Variants in DCAF10 observed in about 807,000 individuals in gnomAD.
The protein encoded by DCAF10 is DDB1 and CUL4 associated factor 10.
A neutral mutation model predicts 51.9 loss-of-function variants in DCAF10; 19 were observed. The ratio of observed to expected loss-of-function variants is 0.37; its 90% confidence interval spans 0.26 to 0.54. DCAF10 has a LOEUF of 0.54. Ranked by LOEUF, DCAF10 falls within the 20% of genes least tolerant of loss-of-function variation. The probability of loss-of-function intolerance (pLI) is 0.87; values close to 1 mark genes in which losing one functional copy is unlikely to be tolerated. For missense variants in DCAF10, 510 were observed against 730.6 expected (o/e 0.70, Z 3.48); for synonymous variants, 291 against 297.1 (o/e 0.98, Z 0.21).
intron 3 of DCAF10, among the ~76,000 whole-genome samples, chr9:37,850,776 G>T (rs990245976): frequency 7.5e-6 from 1 of 133,010 alleles, no homozygotes; most frequent in Non-Finnish European, 1.6e-5. Flanking sequence ...TTTGTTAAAA[G>T]TAGATTTTAA....
At chr9:37,814,109 TATATATATATATATATA>T (rs1280023592) in intron 1 of DCAF10, among the ~76,000 whole-genome samples, 9,755 of 111,286 alleles carry the variant, frequency 0.088, 524 homozygotes, top group Non-Finnish European at 0.12. Flanking sequence ...TATATATATA[TATATATATATATATATA>T]TTTGTTGTTG....
chr9:37,806,000 C>G (rs1223768808), intron 1 of DCAF10, among the ~76,000 whole-genome samples: 1 of 152,190 alleles, frequency 6.6e-6, no homozygotes, highest in Non-Finnish European at 1.5e-5. Context: ...AGGAGGACCA[C>G]TTGAGCTCGG....
rs1441605053 is a variant in DCAF10, at chr9:37,801,875, C to T, written c.539+470C>T. On this transcript the variant is annotated intron_variant, in intron 1 of 6. Coordinates refer to ENST00000377724, the MANE Select transcript of DCAF10 (RefSeq NM_024345.5). The surrounding 1 kb of genome is among the most constrained non-coding windows in gnomAD (Gnocchi z 5.5). Reference sequence around the variant, plus strand: ...ATGATGGGGCAAGTGCGTTCCTTTGCTCAAGGAAGATACAGTACTAAGACA... The same window carrying T: ...ATGATGGGGCAAGTGCGTTCCTTTGTTCAAGGAAGATACAGTACTAAGACA... Among the ~76,000 whole-genome samples, 1 of 152,220 alleles carries T rather than the reference C, an allele frequency of 6.6e-6. No homozygotes were observed. Among genetic ancestry groups the T allele is most frequent in the African/African-American group, 2.4e-5 (1 of 41,458 alleles).
intron 2 of DCAF10, among the ~76,000 whole-genome samples, chr9:37,820,683 G>A (rs1313253053): frequency 6.6e-6 from 1 of 152,124 alleles, no homozygotes; most frequent in African/African-American, 2.4e-5. Context: ...TGGACTGGGG[G>A]CCCAGATGGC....
At chr9:37,816,243 A>C (rs1829528290) in intron 1 of DCAF10, among the ~76,000 whole-genome samples, 1 of 152,258 alleles carries the variant, frequency 6.6e-6, no homozygotes, top group Non-Finnish European at 1.5e-5. Context: ...AAATGGAGAT[A>C]GATTATGTTA....
At chr9:37,828,396 G>A (rs778108730) in intron 2 of DCAF10, among the ~76,000 whole-genome samples, 4 of 151,718 alleles carry the variant, frequency 2.6e-5, no homozygotes, top group Non-Finnish European at 5.9e-5. Flanking sequence ...CCAAGGCTGA[G>A]CCCAGGAGTT....
intron 3 of DCAF10, among the ~76,000 whole-genome samples, chr9:37,844,102 C>T (rs552264052): frequency 1.1e-4 from 16 of 152,242 alleles, no homozygotes; most frequent in East Asian, 5.8e-4. Context: ...AGCTTGTATG[C>T]GCCTAAAAAC....
chr9:37,830,429 G>A (rs542151836), intron 2 of DCAF10, among the ~76,000 whole-genome samples: 3 of 152,206 alleles, frequency 2.0e-5, no homozygotes, highest in Admixed American at 6.5e-5. Flanking sequence ...AAAACTGAAC[G>A]CAAAACAATA....
At chr9:37,835,998 C>G in intron 2 of DCAF10, 1 of 987,686 alleles carries the variant, frequency 1.0e-6, no homozygotes. Context: ...CCAATCCCTG[C>G]CAGAGGCGCC....
rs1828934676 is a variant in DCAF10 at position 37,801,352 on chromosome 9, C to T, written c.486C>T (p.Tyr162=). The change falls in exon 1 of 7, where the codon TAC becomes TAT. Residue 162 remains tyrosine, a synonymous_variant. Transcript: ENST00000377724. This position sits in a 1 kb window ranked among gnomAD's most constrained non-coding sequence, Gnocchi z 5.5. ...CCATCCACCCCGCGGACTCGGTGTACCTCAGCACCCGCACCCACGGCGCCG... is the reference window on the plus strand; with the variant it reads ...CCATCCACCCCGCGGACTCGGTGTATCTCAGCACCCGCACCCACGGCGCCG... ...YGSIHPADSV[Y]LSTRTHGAVF... 4 of 1,567,360 alleles carry T rather than the reference C, an allele frequency of 2.6e-6. No homozygotes were observed. Among genetic ancestry groups the T allele is most frequent in the Admixed American group, 1.9e-5 (1 of 53,792 alleles).
At chr9:37,835,333 C>CT (rs1196020511) in intron 2 of DCAF10, among the ~76,000 whole-genome samples, 1 of 151,978 alleles carries the variant, frequency 6.6e-6, no homozygotes, top group African/African-American at 2.4e-5. Context: ...AATCCCAGCA[C>CT]TTTGGGAGGC....
In DCAF10 at chr9:37,861,653, T is replaced by C; in HGVS notation, c.*145T>C. ...TGGGTCCATGAACACACTTGTGACC[T>C]TAGTACTTGGTCATCCAGCATCATA... On this transcript the variant is annotated 3_prime_UTR_variant, in exon 7 of 7. Coordinates refer to ENST00000377724, the MANE Select transcript of DCAF10 (RefSeq NM_024345.5). The surrounding 1 kb of genome is among the most constrained non-coding windows in gnomAD (Gnocchi z 4.9). 1.7e-6 allele frequency: 2 copies of C among 1,174,060 alleles called. No homozygotes were observed. Among genetic ancestry groups the C allele is most frequent in the Non-Finnish European group, 2.3e-6 (2 of 854,694 alleles). The allele number at this position is 1,174,060 out of a possible 1,614,324, so 72.7% of individuals were successfully genotyped here. A position where few individuals can be genotyped will look rare whatever the true frequency, so the allele number is the denominator to read the frequency against.
chr9:37,823,230 C>T (rs565711758), intron 2 of DCAF10, among the ~76,000 whole-genome samples: 6 of 152,118 alleles, frequency 3.9e-5, no homozygotes, highest in South Asian at 4.2e-4. Context: ...GAATTTTTAG[C>T]GCTGAAGGGC....
chr9:37,817,899 TA>T lies in DCAF10; in HGVS notation c.540-1383del, dbSNP rs1829589811. On this transcript the variant is annotated intron_variant, in intron 1 of 6. Coordinates refer to ENST00000377724, the MANE Select transcript of DCAF10 (RefSeq NM_024345.5). ...ATATTTTTACTCCCAATGACTAGCA[TA>T]AAAAATTTCAGATATTATTAAACTT... Among the ~76,000 whole-genome samples, 5 of 152,150 alleles carry T rather than the reference TA, an allele frequency of 3.3e-5. No homozygotes were observed. In the South Asian group the frequency reaches 1.0e-3, roughly 31 times the overall value.
Position 37,836,143 on chromosome 9 carries a change from G to A in DCAF10, c.654-5946G>A, listed in dbSNP as rs1830159873. On this transcript the variant is annotated intron_variant, in intron 2 of 6. Coordinates refer to ENST00000377724, the MANE Select transcript of DCAF10 (RefSeq NM_024345.5). ...CACGAACCTCCAAGGAAAATAGAGC[G>A]ATTTACTCTTCTCATATCAGTGCAT... 4 of 1,366,438 alleles carry A rather than the reference G, an allele frequency of 2.9e-6. No individual in the cohort carries two copies. The South Asian group carries it at 3.5e-5, about 12-fold the overall frequency. 84.6% of individuals were successfully genotyped at this position (1,366,438 alleles called of 1,614,324 possible).
chr9:37,860,514 A>C, intron 6 of DCAF10: 1 of 237,766 alleles, frequency 4.2e-6, no homozygotes. Flanking sequence ...CAAACAAACA[A>C]ACAAAAACCC....
At chr9:37,849,840 A>G (rs1215391839) in intron 3 of DCAF10, among the ~76,000 whole-genome samples, 2 of 152,136 alleles carry the variant, frequency 1.3e-5, no homozygotes, top group East Asian at 3.8e-4. Context: ...AGATCGCACC[A>G]CTGCATTCCA....
chr9:37,855,760 A>G (rs948714465), intron 4 of DCAF10, among the ~76,000 whole-genome samples: 1 of 152,248 alleles, frequency 6.6e-6, no homozygotes, highest in African/African-American at 2.4e-5. Context: ...CTGTAATCCC[A>G]TCACTTTGGG....
At chr9:37,827,808 T>C (rs1005960553) in intron 2 of DCAF10, among the ~76,000 whole-genome samples, 3 of 152,152 alleles carry the variant, frequency 2.0e-5, no homozygotes, top group Admixed American at 6.6e-5. Flanking sequence ...AGTGCTTACT[T>C]TCAGCAAAAA....
Sources: allele counts gnomAD v4.1 joint callset (sites outside exome capture counted in the v4.1 genomes callset), GRCh38; gene constraint gnomAD v4.1.1; non-coding constraint Gnocchi (gnomAD v3.1); transcripts MANE v1.5; gene names NCBI Gene and HGNC (gene_info 2026-07-23, HGNC 2026-07-21).